BEND7: variants seen among roughly 807,000 people sequenced by gnomAD.
The protein encoded by BEND7 is BEN domain-containing protein 7.
A neutral mutation model predicts 50.9 loss-of-function variants in BEND7; 28 were observed. The ratio of observed to expected loss-of-function variants is 0.55; its 90% CI spans 0.41 to 0.75. The LOEUF (loss-of-function observed/expected upper bound fraction) is 0.75, where lower values mean the gene tolerates loss of function less well. Ranked by LOEUF, BEND7 falls within the 30% of genes least tolerant of loss-of-function variation. The pLI is 0.00. For synonymous variants in BEND7, 170 were observed against 183.9 expected, an observed-to-expected ratio of 0.92 and a Z score of 0.61; for missense variants, 477 against 491.3, an observed-to-expected ratio of 0.97 and a Z score of 0.28.
intron 2 of BEND7, among the ~76,000 whole-genome samples, chr10:13,503,358 C>T (rs2077622404): frequency 6.6e-6 from 1 of 152,152 alleles, no homozygotes. Context: ...AGAAGCAGGT[C>T]CCTCCTCAGA....
At chr10:13,456,602 C>T (rs542215014) in intron 6 of BEND7, among the ~76,000 whole-genome samples, 5 of 152,100 alleles carry the variant, frequency 3.3e-5, no homozygotes, top group Admixed American at 1.3e-4. Flanking sequence ...GGGCGGGGGC[C>T]GGGAGAGCAA....
intron 4 of BEND7, among the ~76,000 whole-genome samples, chr10:13,494,368 G>C (rs2076889421): frequency 6.6e-6 from 1 of 152,224 alleles, no homozygotes; most frequent in Admixed American, 6.5e-5. Flanking sequence ...AGTGAGCCGA[G>C]ATTACGCCAC....
intron 6 of BEND7, among the ~76,000 whole-genome samples, chr10:13,455,414 C>A (rs1838730399): frequency 6.6e-6 from 1 of 151,952 alleles, no homozygotes. Context: ...GAGGGACCAG[C>A]ACGCTGCATT....
chr10:13,497,309 T>C (rs1161056455), intron 3 of BEND7, among the ~76,000 whole-genome samples: 2 of 152,216 alleles, frequency 1.3e-5, no homozygotes, highest in Non-Finnish European at 2.9e-5. Context: ...TGTTTAAGAG[T>C]TCATATTAAA....
chr10:13,474,291 G>A (rs898582886), intron 6 of BEND7, among the ~76,000 whole-genome samples: 2 of 151,222 alleles, frequency 1.3e-5, no homozygotes, highest in South Asian at 2.1e-4. Context: ...ACCCGTCATC[G>A]CTGTTAGATG....
At chr10:13,468,008 T>C (rs1017597883) in intron 6 of BEND7, among the ~76,000 whole-genome samples, 1 of 152,104 alleles carries the variant, frequency 6.6e-6, no homozygotes. Context: ...CACCCTAATA[T>C]AAACAGCATG....
intron 6 of BEND7, among the ~76,000 whole-genome samples, chr10:13,458,635 A>AC (rs1166611141): frequency 2.0e-5 from 3 of 152,246 alleles, no homozygotes; most frequent in Non-Finnish European, 2.9e-5. Context: ...ATCAAGGTTT[A>AC]CAGCACGCAG....
At chr10:13,510,831 A>G (rs1589023804) in intron 2 of BEND7, among the ~76,000 whole-genome samples, 1 of 152,054 alleles carries the variant, frequency 6.6e-6, no homozygotes, top group Non-Finnish European at 1.5e-5. Flanking sequence ...ACACACCTCT[A>G]TTGGTAATAG....
At chr10:13,513,831 G>C (rs1469068112) in intron 2 of BEND7, among the ~76,000 whole-genome samples, 2 of 152,212 alleles carry the variant, frequency 1.3e-5, no homozygotes, top group African/African-American at 4.8e-5. Flanking sequence ...TCCAGCCCTG[G>C]CTCCTGCCAC....
At chr10:13,511,797 C>T (rs894318368) in intron 2 of BEND7, among the ~76,000 whole-genome samples, 16 of 152,110 alleles carry the variant, frequency 1.1e-4, no homozygotes, top group South Asian at 2.1e-4. Context: ...CGAGCACTGG[C>T]GTATACATTT....
intron 7 of BEND7, among the ~76,000 whole-genome samples, chr10:13,447,536 CTTTTTTTTTTT>C (rs11346528): frequency 3.5e-5 from 3 of 86,088 alleles, no homozygotes; most frequent in Non-Finnish European, 6.1e-5. Flanking sequence ...CGTATTAAAA[CTTTTTTTTTTT>C]TTTTTTTTTT....
chr10:13,477,012 ATTTTAT>A (rs923977560), intron 6 of BEND7, among the ~76,000 whole-genome samples: 4 of 152,168 alleles, frequency 2.6e-5, no homozygotes, highest in African/African-American at 9.7e-5. Flanking sequence ...AGAGGCTTAT[ATTTTAT>A]TTTTAAGATA....
chr10:13,444,490 A>G (rs2130848927), intron 8 of BEND7: 1 of 152,366 alleles, frequency 6.6e-6, no homozygotes, highest in African/African-American at 2.4e-5. Context: ...TTAAAAAAGT[A>G]ATAAAAGCAT....
intron 6 of BEND7, among the ~76,000 whole-genome samples, chr10:13,458,940 G>A (rs758046539): frequency 5.3e-5 from 8 of 152,094 alleles, no homozygotes; most frequent in Non-Finnish European, 7.3e-5. Flanking sequence ...ATTTAATCTC[G>A]CAACAACCAG....
Position 13,465,926 on chromosome 10 carries a change from C to A in BEND7, c.1064-13268G>T, listed in dbSNP as rs537239163. Among the ~76,000 whole-genome samples, 9 of 152,058 alleles carry A rather than the reference C, an allele frequency of 5.9e-5. No individual in the cohort carries two copies. In the South Asian group the frequency reaches 1.7e-3, roughly 28 times the overall value. ...GTGGTGGCAGGGGTGGGGGGACAGA[C>A]AACAATATTCTTTGTCTTCCTTCAG... On this transcript the variant is annotated intron_variant, in intron 6 of 8. Transcript: ENST00000466271.
intron 6 of BEND7, among the ~76,000 whole-genome samples, chr10:13,461,904 A>T (rs1278349806): frequency 6.6e-6 from 1 of 152,150 alleles, no homozygotes; most frequent in Non-Finnish European, 1.5e-5. Flanking sequence ...CCTGGGCCAC[A>T]ACAGATTCTC....
chr10:13,495,634 C>A (rs886411878), intron 4 of BEND7, among the ~76,000 whole-genome samples: 6 of 152,206 alleles, frequency 3.9e-5, no homozygotes, highest in African/African-American at 1.4e-4. Context: ...TGCACTCCAG[C>A]CTGGGCAACA....
chr10:13,493,482 T>G (rs958819107), intron 4 of BEND7, among the ~76,000 whole-genome samples: 13 of 152,142 alleles, frequency 8.5e-5, no homozygotes, highest in Non-Finnish European at 2.9e-5. Context: ...ACAAATATTC[T>G]CCACACATCA....
chr10:13,477,777 G>A lies in BEND7; in HGVS notation c.1063+3122C>T, dbSNP rs117307528. 1.8e-3 allele frequency among the ~76,000 whole-genome samples: 279 copies of A among 152,328 alleles called. 1 individual carries two copies. Among genetic ancestry groups the A allele is most frequent in the Admixed American group, 3.0e-3 (46 of 15,302 alleles). On this transcript the variant is annotated intron_variant, in intron 6 of 8. Coordinates refer to ENST00000466271, the MANE Select transcript of BEND7 (RefSeq NM_001369863.1). ...AAGAAGATGTGAGGATGGATGTTTA[G>A]TATTAGACCCATTATGTCAATAAAT... is the stretch of plus-strand genomic sequence containing the variant.
Sources: allele counts gnomAD v4.1 joint callset (sites outside exome capture counted in the v4.1 genomes callset), GRCh38; gene constraint gnomAD v4.1.1; transcripts MANE v1.5; gene names NCBI Gene and HGNC (gene_info 2026-07-23, HGNC 2026-07-21).